The following PLCB1 variants were observed in gnomAD, a reference collection of about 807,000 sequenced individuals.
PLCB1 encodes phospholipase C beta 1.
In PLCB1, 46 loss-of-function variants were observed where a neutral mutation model predicts 161.8. The observed-to-expected ratio is 0.28, with a 90% confidence interval of 0.22 to 0.36. PLCB1 has a LOEUF of 0.36. Ranked by LOEUF, PLCB1 falls within the 10% of genes least tolerant of loss-of-function variation. The pLI, the probability that PLCB1 is intolerant of heterozygous loss-of-function variation, is 1.00. For synonymous variants in PLCB1, 517 were observed against 503.7 expected, an observed-to-expected ratio of 1.03 and a Z score of -0.35; for missense variants, 1,016 against 1,472.5, an observed-to-expected ratio of 0.69 and a Z score of 5.07.
At chr20:8,627,228 TA>T (rs1988378435) in intron 3 of PLCB1, among the ~76,000 whole-genome samples, 2 of 152,234 alleles carry the variant, frequency 1.3e-5, no homozygotes, top group South Asian at 4.1e-4. Flanking sequence ...TGGCACCAAG[TA>T]AAGTAACTCA....
intron 31 of PLCB1, among the ~76,000 whole-genome samples, chr20:8,860,671 C>A (rs1006433549): frequency 6.6e-6 from 1 of 152,178 alleles, no homozygotes; most frequent in African/African-American, 2.4e-5. Flanking sequence ...CTGGCTGAAT[C>A]AGGAGAGACA....
rs1979323480 is a variant in PLCB1 at position 8,417,070 on chromosome 20, TA to T, written c.246+45621del. On this transcript the variant is annotated intron_variant, in intron 3 of 31. Transcript: ENST00000338037. ...ACACACACACATATATATATATATA[TA>T]TATTTTTTTTTTTTTTTTTTTTTTT... Among the ~76,000 whole-genome samples, 354 of 99,560 alleles carry T rather than the reference TA, an allele frequency of 3.6e-3. 29 individuals are homozygous for T. The highest frequency in any genetic ancestry group is 5.2e-3 in the Middle Eastern group (1 of 194). 65.3% of individuals were successfully genotyped at this position (99,560 alleles called of 152,430 possible).
In PLCB1 at chr20:8,600,376, G is replaced by A. The variant is rs1029484906; in HGVS notation, c.247-27918G>A. On this transcript the variant is annotated intron_variant, in intron 3 of 31. Transcript: ENST00000338037. ...ACCCTGCCGTGTGAGGTGTCAGTGTGCCCCTGCTGGGGGGTGCCTCCCAGT... is the reference window on the plus strand; with the variant it reads ...ACCCTGCCGTGTGAGGTGTCAGTGTACCCCTGCTGGGGGGTGCCTCCCAGT... Among the ~76,000 whole-genome samples the A allele has an allele frequency of 2.1e-4, 24 of 115,622 alleles. 1 individual carries two copies. Among genetic ancestry groups the A allele is most frequent in the African/African-American group, 6.5e-4 (18 of 27,818 alleles). 75.9% of individuals were successfully genotyped at this position (115,622 alleles called of 152,430 possible). A position where few individuals can be genotyped will look rare whatever the true frequency, so the allele number is the denominator to read the frequency against.
At chr20:8,525,533 C>T (rs552705916) in intron 3 of PLCB1, among the ~76,000 whole-genome samples, 1 of 152,130 alleles carries the variant, frequency 6.6e-6, no homozygotes, top group Admixed American at 6.5e-5. Flanking sequence ...TTTACTTAAA[C>T]CCTAATTGAC....
At chr20:8,458,406 T>A (rs1435152933) in intron 3 of PLCB1, among the ~76,000 whole-genome samples, 3 of 152,200 alleles carry the variant, frequency 2.0e-5, no homozygotes, top group Non-Finnish European at 4.4e-5. Flanking sequence ...TCCTCATCCA[T>A]CTTAATCATA....
chr20:8,596,864 A>T (rs1197068133), intron 3 of PLCB1, among the ~76,000 whole-genome samples: 1 of 151,536 alleles, frequency 6.6e-6, no homozygotes, highest in Non-Finnish European at 1.5e-5. Context: ...CTTTGAAGCA[A>T]TTGTGAATGG....
At chr20:8,781,238 T>G (rs975581490) in intron 27 of PLCB1, among the ~76,000 whole-genome samples, 1 of 152,192 alleles carries the variant, frequency 6.6e-6, no homozygotes, top group Non-Finnish European at 1.5e-5. Flanking sequence ...ATTTTTTTTT[T>G]GAAAAATAAT....
intron 3 of PLCB1, among the ~76,000 whole-genome samples, chr20:8,502,710 T>C (rs193047161): frequency 1.3e-5 from 2 of 152,294 alleles, no homozygotes; most frequent in East Asian, 3.9e-4. Context: ...GAAAATATTT[T>C]GTTCTGCATG....
chr20:8,159,918 G>T (rs1364362973), intron 2 of PLCB1, among the ~76,000 whole-genome samples: 1 of 148,354 alleles, frequency 6.7e-6, no homozygotes, highest in African/African-American at 2.5e-5. Flanking sequence ...AACCTGGGAA[G>T]TGGAGGTTGC....
chr20:8,752,122 AG>A (rs1347006811), intron 23 of PLCB1: 1 of 152,150 alleles, frequency 6.6e-6, no homozygotes, highest in Non-Finnish European at 1.5e-5. Context: ...GCAACAGGGT[AG>A]TTCTTTGAGA....
At chr20:8,327,766 C>T (rs1201340819) in intron 2 of PLCB1, among the ~76,000 whole-genome samples, 1 of 152,078 alleles carries the variant, frequency 6.6e-6, no homozygotes, top group East Asian at 1.9e-4. Context: ...GGTTTTCTGG[C>T]TGTCAATTTA....
At chr20:8,649,314 G>A in intron 6 of PLCB1, 60 bp from the exon 7 acceptor site, 1 of 1,023,880 alleles carries the variant, frequency 9.8e-7, no homozygotes, top group South Asian at 1.3e-5. Context: ...GGCATCATCT[G>A]TTAGTGCTGT....
intron 3 of PLCB1, among the ~76,000 whole-genome samples, chr20:8,530,954 A>G (rs1462848686): frequency 6.6e-6 from 1 of 151,892 alleles, no homozygotes; most frequent in Non-Finnish European, 1.5e-5. Flanking sequence ...TTACTTATGG[A>G]TTTTTATTTT....
At chr20:8,420,411 G>A (rs2122543669) in intron 3 of PLCB1, among the ~76,000 whole-genome samples, 1 of 152,288 alleles carries the variant, frequency 6.6e-6, no homozygotes, top group South Asian at 2.1e-4. Flanking sequence ...GATTCAAGGG[G>A]TACGTGTACA....
intron 3 of PLCB1, among the ~76,000 whole-genome samples, chr20:8,537,844 C>T (rs201207317): frequency 7.6e-5 from 7 of 91,832 alleles, no homozygotes; most frequent in Admixed American, 1.9e-4. Flanking sequence ...TTAAAATAAA[C>T]AATAACTAAT....
At chr20:8,368,898 G>A (rs1986813103) in intron 2 of PLCB1, among the ~76,000 whole-genome samples, 1 of 146,498 alleles carries the variant, frequency 6.8e-6, no homozygotes, top group Non-Finnish European at 1.5e-5. Context: ...TATAAGGCTG[G>A]CAAACTCTGT....
At chr20:8,334,402 A>G (rs1985489405) in intron 2 of PLCB1, among the ~76,000 whole-genome samples, 1 of 152,180 alleles carries the variant, frequency 6.6e-6, no homozygotes, top group East Asian at 1.9e-4. Flanking sequence ...CATTTACTAT[A>G]ATCACTAGCA....
chr20:8,840,850 T>C (rs1986476065), intron 31 of PLCB1, among the ~76,000 whole-genome samples: 1 of 152,138 alleles, frequency 6.6e-6, no homozygotes, highest in Non-Finnish European at 1.5e-5. Flanking sequence ...GGAGTTTTGC[T>C]CTTGTCACCC....
At chr20:8,332,916 T>C (rs149115807) in intron 2 of PLCB1, among the ~76,000 whole-genome samples, 1 of 152,364 alleles carries the variant, frequency 6.6e-6, no homozygotes, top group East Asian at 1.9e-4. Context: ...AAAATATTTA[T>C]GTAGCTGCTT....
Sources: gnomAD v4.1 joint callset for allele counts (sites outside exome capture counted in the v4.1 genomes callset) on GRCh38, gnomAD v4.1.1 for gene constraint, MANE v1.5 for transcripts, NCBI Gene and HGNC (gene_info 2026-07-23, HGNC 2026-07-21) for gene names.